The following AGPAT5 variants were observed in gnomAD, a reference collection of about 807,000 sequenced individuals.
The protein encoded by AGPAT5 is 1-acyl-sn-glycerol-3-phosphate acyltransferase epsilon.
In AGPAT5, 46 loss-of-function variants were observed where a neutral mutation model predicts 45.6. That is an observed-to-expected ratio of 1.01 (90% CI 0.80 to 1.29). The LOEUF (loss-of-function observed/expected upper bound fraction) is 1.29, where lower values mean the gene tolerates loss of function less well. Among genes scored for constraint, AGPAT5 ranks in the 50% most tolerant of loss-of-function variants. AGPAT5 has a pLI of 0.00. For missense variants in AGPAT5, 673 were observed against 450.7 expected (o/e 1.49, Z -4.47); for synonymous variants, 272 against 167.0 (o/e 1.63, Z -4.85).
chr8:6,746,799 A>G (rs7008408), intron 5 of AGPAT5, among the ~76,000 whole-genome samples: 12,892 of 152,200 alleles, frequency 0.085, 1,033 homozygotes, highest in African/African-American at 0.22. Context: ...CTAGTTTTTT[A>G]TAGTCTATTT....
intron 1 of AGPAT5, among the ~76,000 whole-genome samples, chr8:6,722,318 T>A (rs1418406893): frequency 6.6e-6 from 1 of 152,184 alleles, no homozygotes; most frequent in East Asian, 1.9e-4. Context: ...AAATAATCCT[T>A]ATGCCAAAGT....
rs181765179 is a variant in AGPAT5, at chr8:6,724,398, C to T, written c.220-472C>T. Among the ~76,000 whole-genome samples, 10 of 152,194 alleles carry T rather than the reference C, an allele frequency of 6.6e-5. No homozygotes were observed. The East Asian group carries it at 1.9e-3, about 29-fold the overall frequency. On this transcript the variant is annotated intron_variant, in intron 1 of 7. Coordinates refer to ENST00000285518, the MANE Select transcript of AGPAT5 (RefSeq NM_018361.5). Reference sequence around the variant, plus strand: ...TACTCCTGCTCTGCAGTTTACAGTTCTTTAAAATTAAAAAAGGTTGTGTAC... The same window carrying T: ...TACTCCTGCTCTGCAGTTTACAGTTTTTTAAAATTAAAAAAGGTTGTGTAC...
intron 6 of AGPAT5, among the ~76,000 whole-genome samples, chr8:6,751,637 A>C (rs574181989): frequency 6.6e-6 from 1 of 152,216 alleles, no homozygotes; most frequent in South Asian, 2.1e-4. Flanking sequence ...GCATTCTCTC[A>C]TGGTTCACTG....
At chr8:6,742,746 T>C (rs992484972) in intron 5 of AGPAT5, among the ~76,000 whole-genome samples, 2 of 152,198 alleles carry the variant, frequency 1.3e-5, no homozygotes, top group African/African-American at 4.8e-5. Context: ...AGATATGTCA[T>C]AGGTATATGA....
At chr8:6,728,825 A>G (rs1176081688) in intron 2 of AGPAT5, among the ~76,000 whole-genome samples, 1 of 152,248 alleles carries the variant, frequency 6.6e-6, no homozygotes, top group African/African-American at 2.4e-5. Context: ...AGACATGACT[A>G]GAAAGAAATA....
chr8:6,733,460 T>A (rs1455548980), intron 4 of AGPAT5, among the ~76,000 whole-genome samples: 1 of 152,234 alleles, frequency 6.6e-6, no homozygotes, highest in Non-Finnish European at 1.5e-5. Flanking sequence ...TTTATTCACA[T>A]GCCTCTTCTA....
At chr8:6,743,314 G>T (rs1484336656) in intron 5 of AGPAT5, among the ~76,000 whole-genome samples, 1 of 152,156 alleles carries the variant, frequency 6.6e-6, no homozygotes, top group African/African-American at 2.4e-5. Flanking sequence ...ACTCGCAAAA[G>T]CTTCCTCCCC....
At chr8:6,745,754 T>C (rs1801427310) in intron 5 of AGPAT5, 1 of 152,034 alleles carries the variant, frequency 6.6e-6, no homozygotes, top group Non-Finnish European at 1.5e-5. Context: ...AGTCTGTATT[T>C]CTTGCCTTTT....
intron 1 of AGPAT5, among the ~76,000 whole-genome samples, chr8:6,709,857 C>T (rs1800090570): frequency 2.0e-5 from 3 of 152,124 alleles, no homozygotes. Context: ...TAGGAGAGGC[C>T]AGGGCCTCCA....
intron 1 of AGPAT5, among the ~76,000 whole-genome samples, chr8:6,714,961 G>A (rs1226521682): frequency 6.6e-6 from 1 of 152,044 alleles, no homozygotes; most frequent in African/African-American, 2.4e-5. Context: ...TTTTATTATG[G>A]TTTCTTAACT....
At chr8:6,752,697 T>A (rs896836241) in intron 6 of AGPAT5, among the ~76,000 whole-genome samples, 4 of 152,332 alleles carry the variant, frequency 2.6e-5, no homozygotes, top group Non-Finnish European at 5.9e-5. Flanking sequence ...AACAATAATA[T>A]CTTAGAGTAT....
At chr8:6,732,687 C>G in intron 4 of AGPAT5, 37 bp downstream of exon 4, 1 of 1,472,830 alleles carries the variant, frequency 6.8e-7, no homozygotes, top group Non-Finnish European at 9.2e-7. Flanking sequence ...CTTACCAGCT[C>G]TCAGTTTCTA....
In AGPAT5 at chr8:6,741,683, A is replaced by G. The variant is rs147558191; in HGVS notation, c.518A>G (p.Glu173Gly). The stretch of plus-strand genomic sequence containing the variant: ...CAGATGTATCTTGTGATTTTTCCAG[A>G]AGGTACAAGGTATAATCCAGAGCAA... Reference protein sequence around the residue: ...GTPMYLVIFPEGTRYNPEQTK... With the variant: ...GTPMYLVIFPGGTRYNPEQTK... The change falls in exon 5 of 8, where the codon GAA (glutamate) becomes GGA (glycine). Residue 173 changes from glutamate (E) to glycine (G), a missense_variant. Physicochemically the swap from Glu to Gly is moderately conservative, Grantham distance 98 (BLOSUM62 -2). Coordinates refer to ENST00000285518, the MANE Select transcript of AGPAT5 (RefSeq NM_018361.5). 6.2e-7 allele frequency: 1 copy of G among 1,605,468 alleles called. No homozygotes were observed. Among genetic ancestry groups the G allele is most frequent in the Non-Finnish European group, 8.5e-7 (1 of 1,176,538 alleles).
chr8:6,761,177 A>G lies in AGPAT5; in HGVS notation c.*3789A>G, dbSNP rs566949180. On this transcript the variant is annotated 3_prime_UTR_variant, in exon 8 of 8. Coordinates refer to ENST00000285518, the MANE Select transcript of AGPAT5 (RefSeq NM_018361.5). Reference sequence around the variant, plus strand: ...TCAAATAGAAAGCTGAAGTACTTCTAATATACTGAGGGAAGTATAATATGT... The same window carrying G: ...TCAAATAGAAAGCTGAAGTACTTCTGATATACTGAGGGAAGTATAATATGT... 2.6e-5 allele frequency among the ~76,000 whole-genome samples: 4 copies of G among 152,338 alleles called. No individual in the cohort carries two copies. Among genetic ancestry groups the G allele is most frequent in the African/African-American group, 9.6e-5 (4 of 41,574 alleles).
At chr8:6,746,836 T>C (rs1013890687) in intron 5 of AGPAT5, among the ~76,000 whole-genome samples, 3 of 152,206 alleles carry the variant, frequency 2.0e-5, no homozygotes, top group African/African-American at 7.2e-5. Flanking sequence ...GAGCTACTGT[T>C]TTCTGTTAAA....
chr8:6,734,997 C>G (rs1800998852), intron 4 of AGPAT5, among the ~76,000 whole-genome samples: 5 of 152,174 alleles, frequency 3.3e-5, no homozygotes, highest in Middle Eastern at 3.4e-3. Context: ...TTCTTGGATA[C>G]TTGTTACTGA....
At chr8:6,732,380 AC>A (rs1185247142) in intron 3 of AGPAT5, among the ~76,000 whole-genome samples, 180 bp from the exon 4 acceptor site, 1 of 152,248 alleles carries the variant, frequency 6.6e-6, no homozygotes, top group Non-Finnish European at 1.5e-5. Context: ...TTATGTTGAG[AC>A]AAGGCAATTT....
At position 6,731,659 on chromosome 8, in the gene AGPAT5, C is replaced by T. The variant is rs80175015; in HGVS notation, c.405+833C>T. Among the ~76,000 whole-genome samples the T allele has an allele frequency of 2.6e-3, 399 of 151,472 alleles. 2 individuals carry two copies. The highest frequency in any genetic ancestry group is 9.2e-3 in the African/African-American group (381 of 41,272). ...AGCAAAAATGCAAATGTACAAAGTT[C>T]AAACAAATAGGAAATTTAAAGGCAT... On this transcript the variant is annotated intron_variant, in intron 3 of 7. Coordinates refer to ENST00000285518, the MANE Select transcript of AGPAT5 (RefSeq NM_018361.5).
rs778261237 is a variant in AGPAT5, at chr8:6,708,798, G to T, written c.130G>T (p.Ala44Ser). Residue 44 changes from alanine to serine, a missense_variant, in exon 1 of 8, where the codon GCC becomes TCC. Physicochemically the swap from Ala to Ser is moderately conservative, Grantham distance 99 (BLOSUM62 1). Transcript: ENST00000285518. The stretch of plus-strand genomic sequence containing the variant: ...GCGGCTGCTCTCCGCCTTCCTGCCC[G>T]CCCGCTTCTACCAAGCGCTGGACGA... ...VWRLLSAFLP[A>S]RFYQALDDRL... The T allele has an allele frequency of 7.5e-6, 12 of 1,610,228 alleles. No homozygotes were observed. Among genetic ancestry groups the T allele is most frequent in the African/African-American group, 2.7e-5 (2 of 74,900 alleles).
Sources: gnomAD v4.1 joint callset for allele counts (sites outside exome capture counted in the v4.1 genomes callset) on GRCh38, gnomAD v4.1.1 for gene constraint, MANE v1.5 for transcripts, NCBI Gene and HGNC (gene_info 2026-07-23, HGNC 2026-07-21) for gene names.